CCNB1IP1: variants seen among roughly 807,000 people sequenced by gnomAD.
CCNB1IP1 encodes the protein E3 ubiquitin-protein ligase CCNB1IP1.
In CCNB1IP1, 14 loss-of-function variants were observed where a neutral mutation model predicts 25.6. The observed-to-expected ratio is 0.55, with a 90% CI of 0.36 to 0.85. CCNB1IP1 has a LOEUF of 0.85. Ranked by LOEUF, CCNB1IP1 falls within the 40% of genes least tolerant of loss-of-function variation. The pLI is 0.01. For missense variants in CCNB1IP1, 278 were observed against 342.4 expected, an observed-to-expected ratio of 0.81 and a Z score of 1.48; for synonymous variants, 119 against 116.1, an observed-to-expected ratio of 1.02 and a Z score of -0.16.
At chr14:20,320,510 C>G (rs1366417531) in intron 4 of CCNB1IP1, 1 of 333,512 alleles carries the variant, frequency 3.0e-6, no homozygotes, top group East Asian at 8.4e-5. Context: ...ACAAGGCAAC[C>G]AACCACAAAG....
intron 6 of CCNB1IP1, among the ~76,000 whole-genome samples, 160 bp downstream of exon 6, chr14:20,313,307 CA>C (rs1449874111): frequency 6.6e-6 from 1 of 152,142 alleles, no homozygotes; most frequent in Non-Finnish European, 1.5e-5. Flanking sequence ...TAGATAAAAG[CA>C]ATGATGTACA....
chr14:20,314,728 T>A (rs1882619554), intron 5 of CCNB1IP1: 1 of 152,086 alleles, frequency 6.6e-6, no homozygotes, highest in South Asian at 2.1e-4. Context: ...GATCAAAGAA[T>A]ACTTCAAACT....
At chr14:20,324,506 A>G (rs761656641) in intron 4 of CCNB1IP1, among the ~76,000 whole-genome samples, 2 of 152,132 alleles carry the variant, frequency 1.3e-5, no homozygotes, top group Non-Finnish European at 2.9e-5. Context: ...ATTTTCGTCA[A>G]TCTATTATGC....
At chr14:20,322,467 G>A (rs1882924575) in intron 4 of CCNB1IP1, among the ~76,000 whole-genome samples, 1 of 151,992 alleles carries the variant, frequency 6.6e-6, no homozygotes, top group Admixed American at 6.6e-5. Flanking sequence ...AATAACAGAA[G>A]AAAATGAAAA....
intron 1 of CCNB1IP1, among the ~76,000 whole-genome samples, chr14:20,329,910 TC>T (rs144911017): frequency 0.032 from 4,937 of 152,204 alleles, 270 homozygotes; most frequent in African/African-American, 0.11. Context: ...AGCTGTCCCC[TC>T]TGTAAAATGA....
intron 4 of CCNB1IP1, among the ~76,000 whole-genome samples, chr14:20,316,973 G>A (rs1378698020): frequency 1.3e-5 from 2 of 152,118 alleles, no homozygotes; most frequent in South Asian, 2.1e-4. Flanking sequence ...GCCAGGCGTG[G>A]TGATTCAAGC....
intron 6 of CCNB1IP1, among the ~76,000 whole-genome samples, chr14:20,312,291 CATTAT>C (rs1318685688): frequency 2.6e-5 from 4 of 152,128 alleles, no homozygotes; most frequent in African/African-American, 9.7e-5. Context: ...GACTAAATTA[CATTAT>C]ATAAGTAAAA....
At chr14:20,312,000 T>C (rs1882506405) in intron 6 of CCNB1IP1, among the ~76,000 whole-genome samples, 1 of 152,196 alleles carries the variant, frequency 6.6e-6, no homozygotes, top group African/African-American at 2.4e-5. Flanking sequence ...TCAATTAGCA[T>C]AGGCTTAAGA....
At chr14:20,319,261 G>C (rs908055900) in intron 4 of CCNB1IP1, among the ~76,000 whole-genome samples, 1 of 152,206 alleles carries the variant, frequency 6.6e-6, no homozygotes, top group Admixed American at 6.5e-5. Context: ...ATCTGTTTCG[G>C]AGTAATTAGG....
At position 20,329,286 on chromosome 14, in the gene CCNB1IP1, A is replaced by G. The variant is rs1435441002; in HGVS notation, c.-343T>C. 2 of 152,210 alleles carry G rather than the reference A, an allele frequency of 1.3e-5. No individual in the cohort carries two copies. Among genetic ancestry groups the G allele is most frequent in the African/African-American group, 2.4e-5 (1 of 41,460 alleles). 9.4% of individuals were successfully genotyped at this position (152,210 alleles called of 1,614,324 possible). ...TGAGAATATCCAAATCCAAGCCCAT[A>G]TGATTTTCAGGGGGTCTACAGATGG... is the stretch of plus-strand genomic sequence containing the variant. On this transcript the variant is annotated 5_prime_UTR_variant, in exon 2 of 7. Transcript: ENST00000358932.
intron 5 of CCNB1IP1, among the ~76,000 whole-genome samples, chr14:20,314,963 C>G (rs898341512): frequency 6.7e-6 from 1 of 149,982 alleles, no homozygotes; most frequent in Non-Finnish European, 1.5e-5. Context: ...TGGTGGCGGG[C>G]GCCTGTAGTC....
intron 4 of CCNB1IP1, among the ~76,000 whole-genome samples, chr14:20,322,643 C>T (rs1431504864): frequency 7.1e-6 from 1 of 141,754 alleles, no homozygotes; most frequent in Non-Finnish European, 1.5e-5. Flanking sequence ...TTTTTTGAGA[C>T]GGAGTATCTC....
chr14:20,332,022 ATATATTTTTTTTTTT>A (rs1231155984), intron 1 of CCNB1IP1, among the ~76,000 whole-genome samples: 2 of 51,202 alleles, frequency 3.9e-5, no homozygotes, highest in African/African-American at 1.9e-4. Context: ...ATATATATAT[ATATATTTTTTTTTTT>A]TTTTTTTTTT....
At chr14:20,322,910 A>C (rs1485986469) in intron 4 of CCNB1IP1, among the ~76,000 whole-genome samples, 1 of 152,180 alleles carries the variant, frequency 6.6e-6, no homozygotes, top group African/African-American at 2.4e-5. Flanking sequence ...GGTGTGAGCC[A>C]CCGCACCCAG....
At chr14:20,327,050 T>C (rs61995540) in intron 2 of CCNB1IP1, among the ~76,000 whole-genome samples, 4,693 of 151,962 alleles carry the variant, frequency 0.031, 113 homozygotes, top group Middle Eastern at 0.068. Flanking sequence ...TACTCCAGCC[T>C]AGGCAACAGA....
chr14:20,328,274 T>C (rs1208333704), intron 2 of CCNB1IP1, among the ~76,000 whole-genome samples: 1 of 152,164 alleles, frequency 6.6e-6, no homozygotes, highest in African/African-American at 2.4e-5. Flanking sequence ...TTCACCATGG[T>C]ACTTCCTACA....
intron 1 of CCNB1IP1, chr14:20,330,439 T>A (rs1883201677): frequency 6.6e-6 from 1 of 152,132 alleles, no homozygotes; most frequent in African/African-American, 2.4e-5. Context: ...CTCAGCATCA[T>A]GCAATATACC....
At chr14:20,328,648 T>C (rs1240396440) in intron 2 of CCNB1IP1, among the ~76,000 whole-genome samples, 1 of 152,056 alleles carries the variant, frequency 6.6e-6, no homozygotes, top group African/African-American at 2.4e-5. Flanking sequence ...TAATTATAGG[T>C]TGAAAGGAAC....
chr14:20,313,084 GGAT>G (rs1479901437), intron 6 of CCNB1IP1, among the ~76,000 whole-genome samples: 1 of 151,946 alleles, frequency 6.6e-6, no homozygotes, highest in Non-Finnish European at 1.5e-5. Context: ...TATAAAAGAA[GGAT>G]AATAATACTT....
Sources: gnomAD v4.1 joint callset for allele counts (sites outside exome capture counted in the v4.1 genomes callset) on GRCh38, gnomAD v4.1.1 for gene constraint, MANE v1.5 for transcripts, NCBI Gene and HGNC (gene_info 2026-07-23, HGNC 2026-07-21) for gene names.